MSRB3: variants seen among roughly 807,000 people sequenced by gnomAD.
The protein encoded by MSRB3 is methionine sulfoxide reductase B3.
MSRB3 carries 13 observed loss-of-function variants against 21.0 expected under a neutral mutation model. The observed-to-expected ratio is 0.62, with a 90% CI of 0.40 to 0.98. The LOEUF (loss-of-function observed/expected upper bound fraction) is 0.98. Ranked by LOEUF, MSRB3 falls within the 50% of genes least tolerant of loss-of-function variation. The pLI is 0.00. For missense variants in MSRB3, 199 were observed against 230.3 expected, an observed-to-expected ratio of 0.86 and a Z score of 0.88; for synonymous variants, 87 against 88.6, an observed-to-expected ratio of 0.98 and a Z score of 0.10.
chr12:65,443,926 C>G (rs889863068), intron 5 of MSRB3, among the ~76,000 whole-genome samples: 1 of 151,948 alleles, frequency 6.6e-6, no homozygotes, highest in African/African-American at 2.4e-5. Flanking sequence ...TTTGACTGCT[C>G]TAAGTGGAAG....
chr12:65,328,674 C>G (rs1355231442), intron 4 of MSRB3, 71 bp downstream of exon 4: 2 of 1,030,158 alleles, frequency 1.9e-6, no homozygotes, highest in Admixed American at 1.7e-5. Flanking sequence ...GCTTTTTCAT[C>G]TTAGAATCTT....
At chr12:65,425,550 C>T (rs1881556674) in intron 5 of MSRB3, among the ~76,000 whole-genome samples, 1 of 151,798 alleles carries the variant, frequency 6.6e-6, no homozygotes, top group East Asian at 1.9e-4. Context: ...TACTATGAGA[C>T]TTATATAAAA....
At chr12:65,332,241 C>T (rs1875470969) in intron 4 of MSRB3, among the ~76,000 whole-genome samples, 1 of 151,778 alleles carries the variant, frequency 6.6e-6, no homozygotes, top group African/African-American at 2.4e-5. Flanking sequence ...TATCAGGGGC[C>T]CTGTAGGTAA....
intron 5 of MSRB3, among the ~76,000 whole-genome samples, chr12:65,384,732 TA>T (rs1879122383): frequency 6.6e-6 from 1 of 152,200 alleles, no homozygotes; most frequent in Admixed American, 6.5e-5. Context: ...GTGATATTCT[TA>T]AATACATTCA....
intron 1 of MSRB3, among the ~76,000 whole-genome samples, chr12:65,296,302 C>T: frequency 6.6e-6 from 1 of 152,226 alleles, no homozygotes; most frequent in East Asian, 1.9e-4. Context: ...CACTCACACG[C>T]ATGCATGCAT....
chr12:65,329,848 G>A (rs1875295139), intron 4 of MSRB3, among the ~76,000 whole-genome samples: 1 of 152,134 alleles, frequency 6.6e-6, no homozygotes, highest in Admixed American at 6.5e-5. Flanking sequence ...TTAAAAAAAT[G>A]TTTCTTACAT....
At chr12:65,354,598 G>A (rs1390635418) in intron 4 of MSRB3, among the ~76,000 whole-genome samples, 1 of 151,740 alleles carries the variant, frequency 6.6e-6, no homozygotes, top group Non-Finnish European at 1.5e-5. Context: ...GGACTTCTCG[G>A]CATTGGTTAT....
At chr12:65,379,020 A>G (rs2136553973) in intron 5 of MSRB3, among the ~76,000 whole-genome samples, 1 of 152,344 alleles carries the variant, frequency 6.6e-6, no homozygotes, top group Admixed American at 6.5e-5. Context: ...ATTGCTGTTG[A>G]GTACAGACTA....
At chr12:65,321,410 T>A (rs75746601) in intron 2 of MSRB3, among the ~76,000 whole-genome samples, 2,298 of 152,304 alleles carry the variant, frequency 0.015, 29 homozygotes, top group Non-Finnish European at 0.023. Context: ...AGAAAAAATC[T>A]TGGATCAGTG....
At chr12:65,328,820 C>T (rs1352228540) in intron 4 of MSRB3, among the ~76,000 whole-genome samples, 1 of 152,062 alleles carries the variant, frequency 6.6e-6, no homozygotes, top group Non-Finnish European at 1.5e-5. Flanking sequence ...CTTTAAAATA[C>T]CCAACATTAA....
intron 4 of MSRB3, among the ~76,000 whole-genome samples, chr12:65,355,278 A>C (rs562828742): frequency 1.3e-5 from 2 of 151,900 alleles, no homozygotes; most frequent in African/African-American, 2.4e-5. Flanking sequence ...ATGCTTGCCT[A>C]GAGTAGGAGT....
chr12:65,371,744 G>A (rs1291546498), intron 5 of MSRB3, among the ~76,000 whole-genome samples: 1 of 151,950 alleles, frequency 6.6e-6, no homozygotes, highest in Non-Finnish European at 1.5e-5. Context: ...AGGAAGGAAA[G>A]TTTTCATTGC....
chr12:65,307,347 A>G (rs933286515), intron 1 of MSRB3, among the ~76,000 whole-genome samples: 14 of 152,142 alleles, frequency 9.2e-5, no homozygotes, highest in African/African-American at 2.9e-4. Context: ...AGGCATGTTA[A>G]TACAAGCAGA....
At chr12:65,430,843 A>T (rs1284089311) in intron 5 of MSRB3, among the ~76,000 whole-genome samples, 1 of 152,076 alleles carries the variant, frequency 6.6e-6, no homozygotes, top group African/African-American at 2.4e-5. Flanking sequence ...TTTGCTTAGA[A>T]TCCTAGAAGT....
At chr12:65,390,583 T>C (rs1879428926) in intron 5 of MSRB3, among the ~76,000 whole-genome samples, 1 of 152,244 alleles carries the variant, frequency 6.6e-6, no homozygotes, top group Non-Finnish European at 1.5e-5. Context: ...ATGCAATCTT[T>C]CTGAAAAGCA....
chr12:65,461,494 C>T (rs532251990), intron 6 of MSRB3, among the ~76,000 whole-genome samples: 1 of 152,308 alleles, frequency 6.6e-6, no homozygotes, highest in East Asian at 1.9e-4. Context: ...AATAAACTGA[C>T]AGAGTTTGCT....
At chr12:65,291,978 GC>G (rs1170336705) in intron 1 of MSRB3, among the ~76,000 whole-genome samples, 1 of 152,200 alleles carries the variant, frequency 6.6e-6, no homozygotes, top group African/African-American at 2.4e-5. Context: ...AACCATTTAG[GC>G]CTACTTCAGT....
chr12:65,290,685 C>T (rs1021450261), intron 1 of MSRB3, among the ~76,000 whole-genome samples: 1 of 151,974 alleles, frequency 6.6e-6, no homozygotes, highest in Non-Finnish European at 1.5e-5. Context: ...GAATTGATTC[C>T]CTTGATTTCC....
intron 4 of MSRB3, among the ~76,000 whole-genome samples, chr12:65,347,234 A>G (rs1188052004): frequency 6.6e-6 from 1 of 152,150 alleles, no homozygotes; most frequent in Non-Finnish European, 1.5e-5. Flanking sequence ...ATGTTCTTCC[A>G]TTTGTTTGTA....
Sources: allele counts gnomAD v4.1 joint callset (sites outside exome capture counted in the v4.1 genomes callset), GRCh38; gene constraint gnomAD v4.1.1; transcripts MANE v1.5; gene names NCBI Gene and HGNC (gene_info 2026-07-23, HGNC 2026-07-21).